Variants in CCDC30 observed in about 807,000 individuals in gnomAD.
CCDC30 encodes coiled-coil domain-containing protein 30.
Under a neutral mutation model 100.2 loss-of-function variants are expected in CCDC30, and 70 were observed. The ratio of observed to expected loss-of-function variants is 0.70; its 90% CI spans 0.58 to 0.85. CCDC30 has a LOEUF of 0.85. CCDC30 is among the 40% of genes least tolerant of loss of function. CCDC30 has a pLI of 0.00. For missense variants in CCDC30, 652 were observed against 771.2 expected (o/e 0.85, Z 1.83); for synonymous variants, 233 against 269.5 (o/e 0.86, Z 1.33).
chr1:42,637,191 T>C, intron 11 of CCDC30, 46 bp from the exon 16 acceptor site: 1 of 1,504,858 alleles, frequency 6.6e-7, no homozygotes, highest in East Asian at 2.3e-5. Flanking sequence ...GCAAAATAAA[T>C]TTTAACTGTG....
chr1:42,603,552 A>G (rs4660648), intron 10 of CCDC30, among the ~76,000 whole-genome samples: 60,086 of 152,074 alleles, frequency 0.4, 12,387 homozygotes, highest in Non-Finnish European at 0.45. Context: ...TCAGGGAAAT[A>G]CAAATTAAAA....
chr1:42,468,636 T>C (rs1386138816), intron 1 of CCDC30: 2 of 152,264 alleles, frequency 1.3e-5, no homozygotes, highest in Non-Finnish European at 2.9e-5. Flanking sequence ...TCAATGTGTT[T>C]CTGTTTCTTG....
intron 6 of CCDC30, among the ~76,000 whole-genome samples, chr1:42,527,564 G>T (rs1033747078): frequency 6.6e-6 from 1 of 152,168 alleles, no homozygotes; most frequent in Non-Finnish European, 1.5e-5. Context: ...AAGAAGAAAG[G>T]TGATTTTATT....
chr1:42,598,946 C>CA lies in CCDC30; in HGVS notation c.1164+9471dup, dbSNP rs199558506. 9.3e-3 allele frequency among the ~76,000 whole-genome samples: 1,406 copies of CA among 151,156 alleles called. 12 individuals carry two copies. Among genetic ancestry groups the CA allele is most frequent in the African/African-American group, 0.027 (1,127 of 41,230 alleles). ...AGTGAAGGAGAAATACTTTCTCAGA[C>CA]AAAAAAAATTAAGGGAATCTATTAC... is the stretch of plus-strand genomic sequence containing the variant. On this transcript the variant is annotated intron_variant, in intron 10 of 16. Transcript: ENST00000668663.
intron 9 of CCDC30, among the ~76,000 whole-genome samples, chr1:42,589,027 T>C (rs143462051): frequency 1.6e-4 from 25 of 152,296 alleles, no homozygotes; most frequent in Admixed American, 1.0e-3. Flanking sequence ...GGATTCAGGA[T>C]TCGAGCCCTA....
intron 1 of CCDC30, among the ~76,000 whole-genome samples, chr1:42,465,596 C>T (rs1008084334): frequency 9.9e-5 from 15 of 152,038 alleles, no homozygotes; most frequent in Non-Finnish European, 1.9e-4. Flanking sequence ...AACTCCTGAC[C>T]CCAGGTGATC....
At chr1:42,466,123 G>GTATCT in intron 1 of CCDC30, among the ~76,000 whole-genome samples, 1 of 152,328 alleles carries the variant, frequency 6.6e-6, no homozygotes, top group East Asian at 1.9e-4. Context: ...TGTGAAAGGA[G>GTATCT]TGGAAAATAG....
chr1:42,484,687 A>G (rs1644021734), intron 3 of CCDC30, among the ~76,000 whole-genome samples: 1 of 151,410 alleles, frequency 6.6e-6, no homozygotes, highest in African/African-American at 2.4e-5. Flanking sequence ...GTTATATGAC[A>G]GTGTTTCCCA....
chr1:42,595,873 T>C (rs1646277553), intron 10 of CCDC30, among the ~76,000 whole-genome samples: 1 of 152,198 alleles, frequency 6.6e-6, no homozygotes, highest in Non-Finnish European at 1.5e-5. Flanking sequence ...CTAAATGACA[T>C]GTACAGAAAG....
At position 42,570,160 on chromosome 1, in the gene CCDC30, A is replaced by T. The variant is rs115715667; in HGVS notation, c.636+3685A>T. 7.1e-3 allele frequency among the ~76,000 whole-genome samples: 1,081 copies of T among 152,042 alleles called. 12 individuals are homozygous for T. The highest frequency in any genetic ancestry group is 0.024 in the African/African-American group (1,009 of 41,524). On this transcript the variant is annotated intron_variant, in intron 7 of 16. Transcript: ENST00000668663. ...AAATAAATTAATTATTTAAAAATTT[A>T]AAAATAAATAAAAATAGTGGCTTGG...
At position 42,590,363 on chromosome 1, in the gene CCDC30, G is replaced by A. The variant is rs533286930; in HGVS notation, c.1164+880G>A. The A allele has an allele frequency of 5.3e-5, 8 of 152,234 alleles. No homozygotes were observed. The East Asian group carries it at 1.5e-3, about 29-fold the overall frequency. The allele number at this position is 152,234 out of a possible 1,614,324, so 9.4% of individuals were successfully genotyped here. ...GAAAATTGGTACCAAGAAGCGGAGC[G>A]TTACTAAAAAAGATACCTGAAAATG... is the stretch of plus-strand genomic sequence containing the variant. On this transcript the variant is annotated intron_variant, in intron 10 of 16. Coordinates refer to ENST00000668663, the Ensembl canonical transcript of CCDC30.
At chr1:42,539,424 A>G (rs768581092) in intron 6 of CCDC30, 114 bp downstream of exon 8, 11 of 928,606 alleles carry the variant, frequency 1.2e-5, no homozygotes, top group Non-Finnish European at 1.7e-5. Flanking sequence ...AGTTTCTTCT[A>G]TTATTATAGC....
At chr1:42,618,605 C>T (rs1019676814) in intron 11 of CCDC30, among the ~76,000 whole-genome samples, 2 of 152,052 alleles carry the variant, frequency 1.3e-5, no homozygotes. Flanking sequence ...TGAAGTGTAC[C>T]TTTTTGTAAA....
intron 4 of CCDC30, among the ~76,000 whole-genome samples, chr1:42,493,323 C>CTCACGCCTGTAA (rs1644176475): frequency 1.3e-5 from 2 of 152,194 alleles, no homozygotes. Flanking sequence ...AGCGCAGTGG[C>CTCACGCCTGTAA]TCACGCCTGT....
At chr1:42,555,879 G>A (rs1159656620) in intron 6 of CCDC30, among the ~76,000 whole-genome samples, 1 of 151,974 alleles carries the variant, frequency 6.6e-6, no homozygotes, top group Non-Finnish European at 1.5e-5. Flanking sequence ...TAGTAGAGAC[G>A]GGGTTTCACC....
chr1:42,610,645 A>T (rs374112815), intron 10 of CCDC30, among the ~76,000 whole-genome samples: 5 of 152,228 alleles, frequency 3.3e-5, no homozygotes, highest in Non-Finnish European at 5.9e-5. Context: ...GCCTGGTCTC[A>T]AACTCCTGAG....
intron 4 of CCDC30, 135 bp from the exon 5 acceptor site, chr1:42,496,963 C>T: frequency 2.4e-6 from 1 of 409,046 alleles, no homozygotes; most frequent in Non-Finnish European, 4.3e-6. Context: ...CACAGAGAGC[C>T]AGCCACATAT....
upstream of CCDC30, among the ~76,000 whole-genome samples, chr1:42,458,278 G>A (rs893798949): frequency 1.3e-5 from 2 of 152,176 alleles, no homozygotes; most frequent in African/African-American, 4.8e-5. Flanking sequence ...AAAGTGGAGT[G>A]GGTAGATTAG....
intron 11 of CCDC30, among the ~76,000 whole-genome samples, chr1:42,634,403 A>G (rs1472787943): frequency 6.6e-6 from 1 of 152,190 alleles, no homozygotes; most frequent in African/African-American, 2.4e-5. Context: ...TAAGCATTCT[A>G]CAGTGCACAT....
Sources: allele counts gnomAD v4.1 joint callset (sites outside exome capture counted in the v4.1 genomes callset), GRCh38; gene constraint gnomAD v4.1.1; transcripts MANE v1.5; gene names NCBI Gene and HGNC (gene_info 2026-07-23, HGNC 2026-07-21).